CACNA1D: variants seen among roughly 807,000 people sequenced by gnomAD.
The protein encoded by CACNA1D is calcium voltage-gated channel subunit alpha1 D.
Under a neutral mutation model 257.1 loss-of-function variants are expected in CACNA1D, and 55 were observed. The observed-to-expected ratio is 0.21, with a 90% CI of 0.17 to 0.27. The LOEUF (loss-of-function observed/expected upper bound fraction) is 0.27. CACNA1D is among the 10% of genes least tolerant of loss of function. The pLI, the probability that CACNA1D is intolerant of heterozygous loss-of-function variation, is 1.00. For missense variants in CACNA1D, 1,876 were observed against 2,784.0 expected (o/e 0.67, Z 7.34); for synonymous variants, 980 against 1,014.9 (o/e 0.97, Z 0.65).
At chr3:53,553,704 C>T (rs962432464) in intron 3 of CACNA1D, among the ~76,000 whole-genome samples, 6 of 151,954 alleles carry the variant, frequency 3.9e-5, no homozygotes, top group African/African-American at 1.5e-4. Flanking sequence ...GTCACATGTA[C>T]ACACGCCAGA....
intron 3 of CACNA1D, among the ~76,000 whole-genome samples, chr3:53,592,934 C>T (rs1418649827): frequency 6.6e-6 from 1 of 152,202 alleles, no homozygotes; most frequent in Non-Finnish European, 1.5e-5. Context: ...GGTGATCTGT[C>T]CGCCTCAGCC....
At chr3:53,533,059 C>A (rs1340036659) in intron 3 of CACNA1D, among the ~76,000 whole-genome samples, 2 of 152,192 alleles carry the variant, frequency 1.3e-5, no homozygotes, top group Non-Finnish European at 2.9e-5. Context: ...GATCAAACTT[C>A]TTTTGATGTC....
chr3:53,784,617 A>G (rs2095443061), intron 39 of CACNA1D, among the ~76,000 whole-genome samples: 1 of 152,112 alleles, frequency 6.6e-6, no homozygotes, highest in African/African-American at 2.4e-5. Context: ...TCAGGGTGGA[A>G]TGGGGTGTGG....
At chr3:53,583,008 A>C (rs1277215593) in intron 3 of CACNA1D, among the ~76,000 whole-genome samples, 1 of 152,054 alleles carries the variant, frequency 6.6e-6, no homozygotes, top group Non-Finnish European at 1.5e-5. Flanking sequence ...CTCTCAAATC[A>C]TGTGAAGTTT....
chr3:53,798,883 A>C (rs1285380759), intron 40 of CACNA1D, among the ~76,000 whole-genome samples: 2 of 152,176 alleles, frequency 1.3e-5, no homozygotes, highest in East Asian at 3.8e-4. Context: ...ACTTCTGGGC[A>C]TCTGTTCTAC....
chr3:53,700,144 A>T (rs1192479021), intron 8 of CACNA1D, among the ~76,000 whole-genome samples: 1 of 150,272 alleles, frequency 6.7e-6, no homozygotes, highest in Non-Finnish European at 1.5e-5. Flanking sequence ...GTATGTAATT[A>T]TGCATTATAA....
At chr3:53,753,496 G>T (rs1009071325) in intron 28 of CACNA1D, 76 bp from the exon 29 acceptor site, 1 of 992,580 alleles carries the variant, frequency 1.0e-6, no homozygotes, top group South Asian at 1.3e-5. Context: ...GGCACAGAGG[G>T]CTGGGAGCCT....
chr3:53,757,585 G>A (rs1344730006), intron 29 of CACNA1D, among the ~76,000 whole-genome samples: 4 of 152,146 alleles, frequency 2.6e-5, no homozygotes, highest in Non-Finnish European at 5.9e-5. Context: ...TGATATTTTG[G>A]CACTGGCCAC....
chr3:53,795,552 TC>T (rs913613271), intron 40 of CACNA1D, among the ~76,000 whole-genome samples: 4 of 152,194 alleles, frequency 2.6e-5, no homozygotes, highest in African/African-American at 9.7e-5. Context: ...ACTTTGGCTC[TC>T]CCTTCCTCCC....
intron 4 of CACNA1D, among the ~76,000 whole-genome samples, chr3:53,653,594 G>A (rs148891928): frequency 6.6e-6 from 1 of 152,222 alleles, no homozygotes; most frequent in African/African-American, 2.4e-5. Context: ...CTTAACCTCA[G>A]CTTAAACACT....
chr3:53,644,945 T>C (rs996393413), intron 3 of CACNA1D, among the ~76,000 whole-genome samples: 1 of 152,222 alleles, frequency 6.6e-6, no homozygotes, highest in Non-Finnish European at 1.5e-5. Context: ...CTATCAACAG[T>C]GTACAAAGCT....
At position 53,709,924 on chromosome 3, in the gene CACNA1D, T is replaced by C. The variant is rs373015476; in HGVS notation, c.1390+7114T>C. 1.3e-3 allele frequency among the ~76,000 whole-genome samples: 193 copies of C among 152,356 alleles called. 1 individual carries two copies. Among genetic ancestry groups the C allele is most frequent in the African/African-American group, 4.4e-3 (185 of 41,590 alleles). ...TAAGGCTTCACAGTATCAGGTAACC[T>C]GTCCACAGTCTTCTGACATGGAAGT... is the stretch of plus-strand genomic sequence containing the variant. On this transcript the variant is annotated intron_variant, in intron 9 of 47. Transcript: ENST00000350061.
Position 53,804,153 on chromosome 3 carries a change from A to G in CACNA1D, c.5585+581A>G, listed in dbSNP as rs1576725053. Among the ~76,000 whole-genome samples, 3 of 152,214 alleles carry G rather than the reference A, an allele frequency of 2.0e-5. No homozygotes were observed. The East Asian group carries it at 5.8e-4, about 29-fold the overall frequency. On this transcript the variant is annotated intron_variant, in intron 44 of 47. Transcript: ENST00000350061. ...TAGCAGGCGGCACAGGCGGATGAAA[A>G]TCGCCCTCCACCCTCTTCTCTGAAC...
intron 30 of CACNA1D, among the ~76,000 whole-genome samples, chr3:53,763,168 A>G (rs2095313443): frequency 6.6e-6 from 1 of 152,160 alleles, no homozygotes; most frequent in African/African-American, 2.4e-5. Flanking sequence ...CCCACACCCA[A>G]AGGGTGATGC....
At chr3:53,695,579 C>T (rs1472598617) in intron 8 of CACNA1D, among the ~76,000 whole-genome samples, 2 of 152,160 alleles carry the variant, frequency 1.3e-5, no homozygotes, top group African/African-American at 2.4e-5. Flanking sequence ...GTGCTAGACC[C>T]AGGGGACTGG....
chr3:53,560,031 A>G (rs942647383), intron 3 of CACNA1D, among the ~76,000 whole-genome samples: 4 of 147,910 alleles, frequency 2.7e-5, no homozygotes, highest in Admixed American at 1.3e-4. Flanking sequence ...ACAAAGCAAT[A>G]CAGATAATTT....
chr3:53,656,708 C>A (rs1009804807), intron 4 of CACNA1D, among the ~76,000 whole-genome samples: 2 of 152,012 alleles, frequency 1.3e-5, no homozygotes, highest in Non-Finnish European at 2.9e-5. Flanking sequence ...CTCTTACAAC[C>A]CAATAGTAAG....
At chr3:53,799,424 A>T (rs1260299389) in intron 40 of CACNA1D, among the ~76,000 whole-genome samples, 1 of 152,192 alleles carries the variant, frequency 6.6e-6, no homozygotes, top group African/African-American at 2.4e-5. Context: ...CAGGGACCAC[A>T]GTGAGGAAGG....
chr3:53,725,564 C>G (rs2094927757), intron 14 of CACNA1D, among the ~76,000 whole-genome samples: 1 of 152,180 alleles, frequency 6.6e-6, no homozygotes, highest in African/African-American at 2.4e-5. Context: ...AGCTCATTGT[C>G]TTCACACTGC....
Sources: gnomAD v4.1 joint callset for allele counts (sites outside exome capture counted in the v4.1 genomes callset) on GRCh38, gnomAD v4.1.1 for gene constraint, MANE v1.5 for transcripts, NCBI Gene and HGNC (gene_info 2026-07-23, HGNC 2026-07-21) for gene names.